The following CTNNA1 variants were observed in gnomAD, a reference collection of about 807,000 sequenced individuals.
The protein encoded by CTNNA1 is catenin alpha-1.
Under a neutral mutation model 98.4 loss-of-function variants are expected in CTNNA1, and 37 were observed. The observed-to-expected ratio is 0.38, with a 90% confidence interval of 0.29 to 0.49. The LOEUF (loss-of-function observed/expected upper bound fraction) is 0.49, where lower values mean the gene tolerates loss of function less well. CTNNA1 is among the 20% of genes least tolerant of loss of function. The pLI is 0.95. For missense variants in CTNNA1, 761 were observed against 1,147.2 expected (o/e 0.66, Z 4.86); for synonymous variants, 404 against 413.2 (o/e 0.98, Z 0.27).
intron 1 of CTNNA1, among the ~76,000 whole-genome samples, chr5:138,759,853 T>A (rs993122233): frequency 1.3e-5 from 2 of 152,086 alleles, no homozygotes; most frequent in African/African-American, 4.8e-5. Flanking sequence ...TTGCAAGCTT[T>A]CTTCAACAGT....
intron 7 of CTNNA1, among the ~76,000 whole-genome samples, chr5:138,878,681 TTCC>T (rs1752200296): frequency 1.3e-5 from 2 of 152,248 alleles, no homozygotes; most frequent in East Asian, 3.8e-4. Flanking sequence ...GGGAGAGTTA[TTCC>T]CCTACTTGGA....
intron 5 of CTNNA1, among the ~76,000 whole-genome samples, chr5:138,823,897 C>A (rs370826748): frequency 5.2e-5 from 7 of 135,318 alleles, no homozygotes; most frequent in Admixed American, 3.3e-4. Flanking sequence ...GCGGAGCTTG[C>A]AGTGAGCCGA....
intron 3 of CTNNA1, among the ~76,000 whole-genome samples, chr5:138,800,094 G>A (rs566483886): frequency 2.0e-5 from 3 of 152,152 alleles, no homozygotes; most frequent in African/African-American, 7.2e-5. Context: ...ACGGGGTTTT[G>A]CCATGTTGGC....
chr5:138,807,126 T>C (rs1758168954), intron 3 of CTNNA1, among the ~76,000 whole-genome samples: 1 of 151,016 alleles, frequency 6.6e-6, no homozygotes, highest in Admixed American at 6.6e-5. Context: ...TTTTCCTGCC[T>C]CAGCCTCCCG....
intron 1 of CTNNA1, among the ~76,000 whole-genome samples, chr5:138,768,558 G>GTTTTTTTT (rs36038829): frequency 3.0e-5 from 2 of 67,604 alleles, no homozygotes; most frequent in African/African-American, 1.0e-4. Context: ...AACGGTGTCT[G>GTTTTTTTT]TTTTTTTTTT....
chr5:138,913,892 T>C lies in CTNNA1; in HGVS notation c.1390-3850T>C, dbSNP rs114875370. Among the ~76,000 whole-genome samples the C allele has an allele frequency of 8.7e-3, 1,327 of 152,282 alleles. 10 individuals are homozygous for C. Among genetic ancestry groups the C allele is most frequent in the Admixed American group, 0.016 (246 of 15,292 alleles). On this transcript the variant is annotated intron_variant, in intron 10 of 17. Coordinates refer to ENST00000302763, the MANE Select transcript of CTNNA1 (RefSeq NM_001903.5). Reference sequence around the variant, plus strand: ...TTTAAAGACAGGGTCTCATGGTTACTCAGGCTGGAGTGCAGTGGCATGATC... The same window carrying C: ...TTTAAAGACAGGGTCTCATGGTTACCCAGGCTGGAGTGCAGTGGCATGATC...
chr5:138,810,993 A>G (rs1758662382), intron 4 of CTNNA1, among the ~76,000 whole-genome samples: 1 of 147,808 alleles, frequency 6.8e-6, no homozygotes, highest in Admixed American at 6.7e-5. Flanking sequence ...TCCCTCCCGG[A>G]CGGGGCGGCT....
At chr5:138,837,312 G>C (rs1159760826) in intron 7 of CTNNA1, among the ~76,000 whole-genome samples, 2 of 152,204 alleles carry the variant, frequency 1.3e-5, no homozygotes, top group East Asian at 1.9e-4. Flanking sequence ...ATGTGGTCTA[G>C]GGGTTGACAA....
rs2150334717 is a variant in CTNNA1 at position 138,930,585 on chromosome 5, G to A, written c.2123G>A (p.Ser708Asn). 1.9e-6 allele frequency: 3 copies of A among 1,614,074 alleles called. No individual in the cohort carries two copies. Among genetic ancestry groups the A allele is most frequent in the Non-Finnish European group, 2.5e-6 (3 of 1,180,010 alleles). The change falls in exon 15 of 18, where the codon AGT (serine) becomes AAT (asparagine). Residue 708 changes from serine to asparagine, a missense_variant. Coordinates refer to ENST00000302763, the MANE Select transcript of CTNNA1 (RefSeq NM_001903.5). ...GCTGAAGTGTCCAAATGGGACGACA[G>A]TGGCAATGACATCATTGTGCTGGCC... ...LDAEVSKWDDSGNDIIVLAKQ... is the reference protein window; with the variant it reads ...LDAEVSKWDDNGNDIIVLAKQ...
intron 1 of CTNNA1, among the ~76,000 whole-genome samples, chr5:138,756,519 TG>T (rs1372794438): frequency 2.0e-5 from 3 of 152,072 alleles, no homozygotes; most frequent in Non-Finnish European, 4.4e-5. Flanking sequence ...CCCTGATTGT[TG>T]GGGGTAGTGT....
chr5:138,926,426 G>A (rs902699119), intron 13 of CTNNA1, among the ~76,000 whole-genome samples: 4 of 152,228 alleles, frequency 2.6e-5, no homozygotes, highest in East Asian at 1.9e-4. Context: ...CGCAGAAGCC[G>A]CGGCCATTTG....
In CTNNA1 at chr5:138,770,631, A is replaced by T. The variant is rs145128002; in HGVS notation, c.-2-11292A>T. 3.1e-4 allele frequency among the ~76,000 whole-genome samples: 47 copies of T among 152,210 alleles called. No individual in the cohort carries two copies. The East Asian group carries it at 9.1e-3, about 29-fold the overall frequency. ...TCACTTGATTAGTTCTTTCCTGACTATTAGATTTTCGCTCAGATGTTGTCA... is the reference window on the plus strand; with the variant it reads ...TCACTTGATTAGTTCTTTCCTGACTTTTAGATTTTCGCTCAGATGTTGTCA... On this transcript the variant is annotated intron_variant, in intron 1 of 17. Coordinates refer to ENST00000302763, the MANE Select transcript of CTNNA1 (RefSeq NM_001903.5).
chr5:138,854,565 A>G (rs1763551839), intron 7 of CTNNA1, among the ~76,000 whole-genome samples: 1 of 152,236 alleles, frequency 6.6e-6, no homozygotes, highest in Admixed American at 6.5e-5. Flanking sequence ...TCAGACTGCA[A>G]TAGCGTAAAA....
chr5:138,930,203 C>T (rs1332932172), intron 14 of CTNNA1, among the ~76,000 whole-genome samples: 1 of 152,188 alleles, frequency 6.6e-6, no homozygotes, highest in Non-Finnish European at 1.5e-5. Flanking sequence ...TCTGTCCCTG[C>T]ACAGGTGTGA....
chr5:138,782,319 C>T (rs1755207609), intron 2 of CTNNA1: 1 of 503,178 alleles, frequency 2.0e-6, no homozygotes, highest in African/African-American at 1.9e-5. Flanking sequence ...AGGGGAAACC[C>T]AAGAAAGGTG....
chr5:138,877,516 C>G (rs1189169576), intron 7 of CTNNA1, among the ~76,000 whole-genome samples: 4 of 151,130 alleles, frequency 2.6e-5, no homozygotes, highest in Non-Finnish European at 4.4e-5. Context: ...GGCGCAATCT[C>G]GGCTCACTGC....
chr5:138,916,324 A>G (rs1162457073), intron 10 of CTNNA1, among the ~76,000 whole-genome samples: 2 of 152,132 alleles, frequency 1.3e-5, no homozygotes, highest in Non-Finnish European at 2.9e-5. Context: ...TTAAAAAACC[A>G]ATGACATTGT....
intron 3 of CTNNA1, chr5:138,791,145 A>G (rs889259269): frequency 6.6e-6 from 1 of 152,122 alleles, no homozygotes; most frequent in Non-Finnish European, 1.5e-5. Flanking sequence ...ATGTTTAGAC[A>G]GATTTGTCTT....
At chr5:138,932,195 C>T in intron 16 of CTNNA1, 2 of 1,020,800 alleles carry the variant, frequency 2.0e-6, no homozygotes, top group South Asian at 9.1e-5. Context: ...AGCCAGGCTC[C>T]TGCTTGCTGA....
Sources: allele counts gnomAD v4.1 joint callset (sites outside exome capture counted in the v4.1 genomes callset), GRCh38; gene constraint gnomAD v4.1.1; transcripts MANE v1.5; gene names NCBI Gene and HGNC (gene_info 2026-07-23, HGNC 2026-07-21).